Variants in NDUFAF2 observed in about 807,000 individuals in gnomAD.
NDUFAF2 encodes the protein NADH dehydrogenase [ubiquinone] 1 alpha subcomplex assembly factor 2.
NDUFAF2 carries 13 observed loss-of-function variants against 22.8 expected under a neutral mutation model. The observed-to-expected ratio is 0.57, with a 90% CI of 0.37 to 0.91. NDUFAF2 has a LOEUF of 0.91. NDUFAF2 is among the 40% of genes least tolerant of loss of function. The probability of loss-of-function intolerance (pLI) is 0.01; values close to 1 mark genes in which losing one functional copy is unlikely to be tolerated. For missense variants in NDUFAF2, 162 were observed against 195.2 expected, an observed-to-expected ratio of 0.83 and a Z score of 1.01; for synonymous variants, 53 against 64.2, an observed-to-expected ratio of 0.83 and a Z score of 0.84.
At chr5:61,038,088 A>AAGAGAG (rs138511749) in intron 1 of NDUFAF2, among the ~76,000 whole-genome samples, 1,257 of 77,780 alleles carry the variant, frequency 0.016, 21 homozygotes, top group Non-Finnish European at 0.023. Context: ...GAGGCGGGGG[A>AAGAGAG]AGAGAGAGAG....
intron 3 of NDUFAF2, among the ~76,000 whole-genome samples, chr5:61,113,332 G>C (rs1176644068): frequency 6.6e-6 from 1 of 152,126 alleles, no homozygotes; most frequent in Non-Finnish European, 1.5e-5. Flanking sequence ...ATTTTTTGTA[G>C]GAGAGGTCTG....
chr5:60,961,594 CA>C (rs36041608), intron 1 of NDUFAF2, among the ~76,000 whole-genome samples: 12,895 of 56,704 alleles, frequency 0.23, 711 homozygotes, highest in South Asian at 0.32. Context: ...GACTCTGTCT[CA>C]AAAAAAAAAA....
At chr5:61,014,505 A>C (rs1299651047) in intron 1 of NDUFAF2, among the ~76,000 whole-genome samples, 1 of 152,112 alleles carries the variant, frequency 6.6e-6, no homozygotes, top group Admixed American at 6.6e-5. Flanking sequence ...GGAAATTATC[A>C]GACTTGAGGA....
intron 1 of NDUFAF2, among the ~76,000 whole-genome samples, chr5:61,025,791 T>C (rs995860404): frequency 6.6e-6 from 1 of 152,028 alleles, no homozygotes; most frequent in Non-Finnish European, 1.5e-5. Context: ...TTACCACTAA[T>C]TACAAAATAA....
intron 3 of NDUFAF2, among the ~76,000 whole-genome samples, chr5:61,114,260 C>T (rs1453106601): frequency 6.6e-6 from 1 of 151,936 alleles, no homozygotes; most frequent in African/African-American, 2.4e-5. Flanking sequence ...TTTTCAAATA[C>T]CCTGTCTTTA....
chr5:60,983,979 A>C (rs1751030345), intron 1 of NDUFAF2, among the ~76,000 whole-genome samples: 1 of 152,082 alleles, frequency 6.6e-6, no homozygotes, highest in African/African-American at 2.4e-5. Context: ...GAATCTATAA[A>C]TTACCTTGGG....
intron 1 of NDUFAF2, among the ~76,000 whole-genome samples, chr5:61,003,232 A>ATTTTTTTTTTTTTTTTTTTTTT (rs1751320271): frequency 6.6e-6 from 1 of 152,118 alleles, no homozygotes; most frequent in African/African-American, 2.4e-5. Flanking sequence ...TTACAGGCTG[A>ATTTTTTTTTTTTTTTTTTTTTT]TTTTTATTGA....
intron 3 of NDUFAF2, among the ~76,000 whole-genome samples, chr5:61,140,914 C>G (rs1741042765): frequency 6.6e-6 from 1 of 152,162 alleles, no homozygotes; most frequent in Non-Finnish European, 1.5e-5. Flanking sequence ...CTCTAACCCT[C>G]CAGTCCACTC....
At chr5:61,083,243 T>C (rs933911813) in intron 2 of NDUFAF2, 4 of 152,098 alleles carry the variant, frequency 2.6e-5, no homozygotes, top group Admixed American at 2.6e-4. Flanking sequence ...TTTATTAAAG[T>C]TTCTTACAGA....
intron 1 of NDUFAF2, among the ~76,000 whole-genome samples, chr5:61,026,232 G>A (rs897365281): frequency 6.6e-6 from 1 of 151,998 alleles, no homozygotes; most frequent in Non-Finnish European, 1.5e-5. Context: ...GCCATCAACA[G>A]TAGCAGCCTG....
At chr5:61,113,333 G>A (rs1752868965) in intron 3 of NDUFAF2, among the ~76,000 whole-genome samples, 1 of 152,116 alleles carries the variant, frequency 6.6e-6, no homozygotes, top group Non-Finnish European at 1.5e-5. Flanking sequence ...TTTTTTGTAG[G>A]AGAGGTCTGG....
At chr5:61,039,393 TTC>T (rs1333781935) in intron 1 of NDUFAF2, among the ~76,000 whole-genome samples, 1 of 152,202 alleles carries the variant, frequency 6.6e-6, no homozygotes, top group Non-Finnish European at 1.5e-5. Context: ...ATAATAGTTC[TTC>T]TCCAAAAGAA....
intron 1 of NDUFAF2, among the ~76,000 whole-genome samples, chr5:61,006,135 A>G (rs1351538988): frequency 1.8e-4 from 27 of 151,954 alleles, no homozygotes; most frequent in Admixed American, 4.6e-4. Flanking sequence ...GTAAGGAAGG[A>G]ATCCAGTTTC....
rs928101523 is a variant in NDUFAF2 at position 61,052,571 on chromosome 5, A to G, written c.128-20554A>G. On this transcript the variant is annotated intron_variant, in intron 1 of 3. Transcript: ENST00000296597. ...GTGATCCGCCCGCCTCGGCCTCCCA[A>G]AGTGCTGGGATTATAGGCGTGAACC... Among the ~76,000 whole-genome samples, 9 of 152,174 alleles carry G rather than the reference A, an allele frequency of 5.9e-5. No individual in the cohort carries two copies. The South Asian group carries it at 6.2e-4, about 11-fold the overall frequency.
chr5:60,998,811 A>G (rs1241300064), intron 1 of NDUFAF2, among the ~76,000 whole-genome samples: 1 of 123,750 alleles, frequency 8.1e-6, no homozygotes, highest in African/African-American at 2.7e-5. Context: ...ATAACTTTTA[A>G]ATTTATTTTT....
At chr5:60,997,013 G>T (rs576641542) in intron 1 of NDUFAF2, among the ~76,000 whole-genome samples, 47 of 152,086 alleles carry the variant, frequency 3.1e-4, no homozygotes, top group Non-Finnish European at 8.8e-5. Context: ...GTTCTTGTTG[G>T]GGGGACAATT....
intron 1 of NDUFAF2, among the ~76,000 whole-genome samples, chr5:61,015,435 C>T (rs938930440): frequency 3.3e-5 from 5 of 152,070 alleles, no homozygotes; most frequent in Non-Finnish European, 7.4e-5. Context: ...GTGCATGCCA[C>T]CACATCCAGC....
intron 3 of NDUFAF2, among the ~76,000 whole-genome samples, chr5:61,127,939 A>C (rs1753057911): frequency 6.6e-6 from 1 of 152,110 alleles, no homozygotes; most frequent in South Asian, 2.1e-4. Context: ...AAGCAGCTTC[A>C]TCAGCAAAGT....
At chr5:61,017,399 T>A (rs1039168061) in intron 1 of NDUFAF2, among the ~76,000 whole-genome samples, 4 of 149,298 alleles carry the variant, frequency 2.7e-5, no homozygotes, top group East Asian at 2.0e-4. Context: ...CTTTTTTTTT[T>A]AATTAATTGA....
Sources: gnomAD v4.1 joint callset for allele counts (sites outside exome capture counted in the v4.1 genomes callset) on GRCh38, gnomAD v4.1.1 for gene constraint, MANE v1.5 for transcripts, NCBI Gene and HGNC (gene_info 2026-07-23, HGNC 2026-07-21) for gene names.